The following WWOX variants were observed in gnomAD, a reference collection of about 807,000 sequenced individuals.
WWOX encodes the protein WW domain containing oxidoreductase.
WWOX carries 69 observed loss-of-function variants against 46.2 expected under a neutral mutation model. The observed-to-expected ratio is 1.49, with a 90% confidence interval of 1.23 to 1.82. The LOEUF is 1.82. WWOX is among the 40% of genes most tolerant of loss of function. WWOX has a pLI of 0.00. For synonymous variants in WWOX, 359 were observed against 202.6 expected (o/e 1.77, Z -6.56); for missense variants, 919 against 542.6 (o/e 1.69, Z -6.89).
chr16:78,178,263 G>C (rs796695750), intron 5 of WWOX, among the ~76,000 whole-genome samples: 20 of 152,326 alleles, frequency 1.3e-4, no homozygotes, highest in African/African-American at 4.6e-4. Context: ...TGTGCTGTCT[G>C]CAGTTACTAA....
intron 8 of WWOX, among the ~76,000 whole-genome samples, chr16:78,894,051 T>TTATTATTATTATTATTAC (rs2044649721): frequency 3.4e-5 from 5 of 148,070 alleles, no homozygotes; most frequent in Non-Finnish European, 1.5e-5. Flanking sequence ...ATTATTATTA[T>TTATTATTATTATTATTAC]ATTTTGAGAC....
Position 78,463,349 on chromosome 16 carries a change from C to A in WWOX, c.1056+30597C>A, listed in dbSNP as rs115380450. ...ACCCGATGCTTAATGAATTGCCAGGCTGGTTAAAAAGGATAACCCTTGAAA... is the reference window on the plus strand; with the variant it reads ...ACCCGATGCTTAATGAATTGCCAGGATGGTTAAAAAGGATAACCCTTGAAA... On this transcript the variant is annotated intron_variant, in intron 8 of 8. Coordinates refer to ENST00000566780, the MANE Select transcript of WWOX (RefSeq NM_016373.4). Among the ~76,000 whole-genome samples the A allele has an allele frequency of 1.4e-3, 207 of 152,300 alleles. 1 individual carries two copies. Among genetic ancestry groups the A allele is most frequent in the African/African-American group, 4.8e-3 (198 of 41,564 alleles).
chr16:78,888,139 C>T (rs757884344), intron 8 of WWOX, among the ~76,000 whole-genome samples: 1 of 152,160 alleles, frequency 6.6e-6, no homozygotes, highest in South Asian at 2.1e-4. Context: ...CCATTTACAA[C>T]AAAAAGCTGG....
chr16:78,275,096 A>T (rs1414315297), intron 5 of WWOX, among the ~76,000 whole-genome samples: 2 of 152,130 alleles, frequency 1.3e-5, no homozygotes, highest in African/African-American at 4.8e-5. Context: ...GAGTTTACTG[A>T]GACTTGGCTC....
At chr16:78,576,466 C>T (rs1012171230) in intron 8 of WWOX, among the ~76,000 whole-genome samples, 1 of 152,198 alleles carries the variant, frequency 6.6e-6, no homozygotes, top group South Asian at 2.1e-4. Context: ...CTTCATTCTT[C>T]ATGAGGCTGA....
chr16:78,843,813 C>T (rs901490774), intron 8 of WWOX, among the ~76,000 whole-genome samples: 3 of 152,182 alleles, frequency 2.0e-5, no homozygotes, highest in Non-Finnish European at 4.4e-5. Context: ...GTTTGATTTA[C>T]TAACCTTCAG....
chr16:78,874,533 C>G (rs1469091874), intron 8 of WWOX, among the ~76,000 whole-genome samples: 1 of 152,036 alleles, frequency 6.6e-6, no homozygotes, highest in Non-Finnish European at 1.5e-5. Context: ...GCCTGGTATA[C>G]AGGAAGAACT....
intron 8 of WWOX, among the ~76,000 whole-genome samples, chr16:78,827,977 C>T (rs918025557): frequency 3.9e-5 from 6 of 152,168 alleles, no homozygotes; most frequent in Non-Finnish European, 8.8e-5. Flanking sequence ...GACAGAGTTG[C>T]TGTTGAAATT....
At chr16:78,809,724 C>T (rs1435032479) in intron 8 of WWOX, among the ~76,000 whole-genome samples, 1 of 152,142 alleles carries the variant, frequency 6.6e-6, no homozygotes, top group Non-Finnish European at 1.5e-5. Flanking sequence ...TTGTTTGACC[C>T]TGTGGTTGTC....
intron 5 of WWOX, among the ~76,000 whole-genome samples, chr16:78,316,660 C>T (rs2080362848): frequency 6.6e-6 from 1 of 152,084 alleles, no homozygotes; most frequent in Non-Finnish European, 1.5e-5. Context: ...TTTTTTAAAT[C>T]TGGAAAATGG....
chr16:79,019,208 A>C (rs1003576043), intron 8 of WWOX, among the ~76,000 whole-genome samples: 1 of 147,952 alleles, frequency 6.8e-6, no homozygotes, highest in Non-Finnish European at 1.5e-5. Flanking sequence ...TTGGAATGAC[A>C]TCAGACTCAA....
chr16:79,144,864 T>C (rs1006446582), intron 8 of WWOX, among the ~76,000 whole-genome samples: 7 of 152,212 alleles, frequency 4.6e-5, no homozygotes, highest in Non-Finnish European at 1.0e-4. Flanking sequence ...ATAATTGTTC[T>C]ATTATTGTTG....
intron 8 of WWOX, among the ~76,000 whole-genome samples, chr16:78,888,556 G>C (rs992145176): frequency 6.6e-6 from 1 of 152,174 alleles, no homozygotes; most frequent in Non-Finnish European, 1.5e-5. Flanking sequence ...CTCAAAGACG[G>C]CTTTTGTTTG....
intron 8 of WWOX, among the ~76,000 whole-genome samples, chr16:79,062,291 A>G (rs147452281): frequency 4.6e-5 from 7 of 152,326 alleles, no homozygotes; most frequent in African/African-American, 1.7e-4. Flanking sequence ...AATGCCCAAT[A>G]CCTTCTGGCA....
intron 8 of WWOX, among the ~76,000 whole-genome samples, chr16:78,572,357 G>A (rs535174922): frequency 6.6e-6 from 1 of 152,292 alleles, no homozygotes; most frequent in South Asian, 2.1e-4. Flanking sequence ...CACTTTGGAA[G>A]GCCACAGTCG....
chr16:78,523,096 A>T (rs944357441), intron 8 of WWOX, among the ~76,000 whole-genome samples: 4 of 152,158 alleles, frequency 2.6e-5, no homozygotes, highest in South Asian at 2.1e-4. Flanking sequence ...AATAAAAATT[A>T]AAAAACCTAA....
intron 5 of WWOX, among the ~76,000 whole-genome samples, chr16:78,211,336 A>G (rs2036553219): frequency 6.6e-6 from 1 of 152,110 alleles, no homozygotes; most frequent in African/African-American, 2.4e-5. Flanking sequence ...AGCTCTTTTC[A>G]TTCATTCTTC....
intron 5 of WWOX, among the ~76,000 whole-genome samples, chr16:78,245,492 G>A (rs944595025): frequency 6.6e-5 from 10 of 152,220 alleles, no homozygotes; most frequent in African/African-American, 2.2e-4. Flanking sequence ...GTAATTGAGA[G>A]CACCTTGAGC....
At chr16:78,764,828 T>C (rs939023768) in intron 8 of WWOX, among the ~76,000 whole-genome samples, 1 of 151,996 alleles carries the variant, frequency 6.6e-6, no homozygotes, top group Non-Finnish European at 1.5e-5. Flanking sequence ...TCATTTGATA[T>C]TGTTGCTCAT....
Sources: gnomAD v4.1 joint callset for allele counts (sites outside exome capture counted in the v4.1 genomes callset) on GRCh38, gnomAD v4.1.1 for gene constraint, MANE v1.5 for transcripts, NCBI Gene and HGNC (gene_info 2026-07-23, HGNC 2026-07-21) for gene names.